KIF14: variants seen among roughly 807,000 people sequenced by gnomAD.
KIF14 encodes the protein kinesin family member 14, also known as kinesin-like protein KIF14.
KIF14 carries 98 observed loss-of-function variants against 176.2 expected under a neutral mutation model. The ratio of observed to expected loss-of-function variants is 0.56; its 90% CI spans 0.47 to 0.66. The LOEUF is 0.66. Among genes scored for constraint, KIF14 ranks in the 30% least tolerant of loss-of-function variants. The probability of loss-of-function intolerance (pLI) is 0.00; values close to 1 mark genes in which losing one functional copy is unlikely to be tolerated. For synonymous variants in KIF14, 566 were observed against 632.2 expected, an observed-to-expected ratio of 0.90 and a Z score of 1.57; for missense variants, 1,751 against 1,920.4, an observed-to-expected ratio of 0.91 and a Z score of 1.65.
chr1:200,553,365 T>A lies in KIF14; in HGVS notation c.*23A>T. 8 of 1,543,260 alleles carry A rather than the reference T, an allele frequency of 5.2e-6. No homozygotes were observed. The highest frequency in any genetic ancestry group is 7.0e-6 in the Non-Finnish European group (8 of 1,147,764). On this transcript the variant is annotated 3_prime_UTR_variant, in exon 30 of 30. Coordinates refer to ENST00000367350, the MANE Select transcript of KIF14 (RefSeq NM_014875.3). The stretch of plus-strand genomic sequence containing the variant: ...GTTCTTTTTCTTTCATGGGTGGTCA[T>A]AAAAGTGCCTACACATCAGTATTCA...
chr1:200,601,448 T>G (rs201287775), intron 11 of KIF14, among the ~76,000 whole-genome samples: 1 of 152,106 alleles, frequency 6.6e-6, no homozygotes, highest in African/African-American at 2.4e-5. Flanking sequence ...TAGAGATAAA[T>G]AGAAAGCAGT....
chr1:200,582,544 C>A (rs906173703), intron 19 of KIF14, among the ~76,000 whole-genome samples: 1 of 152,116 alleles, frequency 6.6e-6, no homozygotes, highest in Non-Finnish European at 1.5e-5. Context: ...GTATTGCCTC[C>A]TGGCAATAGA....
intron 4 of KIF14, among the ~76,000 whole-genome samples, chr1:200,612,304 A>T (rs920227764): frequency 6.6e-6 from 1 of 152,026 alleles, no homozygotes; most frequent in African/African-American, 2.4e-5. Flanking sequence ...TGCCTGGCCA[A>T]CCAGGCTCTT....
intron 16 of KIF14, 26 bp from the exon 17 acceptor site, chr1:200,590,298 G>A (rs759111038): frequency 6.3e-7 from 1 of 1,588,592 alleles, no homozygotes; most frequent in Non-Finnish European, 8.6e-7. Context: ...ATGTTTATAG[G>A]GTACATGTTA....
Position 200,605,267 on chromosome 1 carries a change from C to G in KIF14, c.1746+16G>C. ...GGTGAAAACTGAAAGAGATCGGGAACTTTTAAAAAAAATACCTTGGTCTGG... is the reference window on the plus strand; with the variant it reads ...GGTGAAAACTGAAAGAGATCGGGAAGTTTTAAAAAAAATACCTTGGTCTGG... On this transcript the variant is annotated intron_variant, in intron 8 of 29. Coordinates refer to ENST00000367350, the MANE Select transcript of KIF14 (RefSeq NM_014875.3). 6.3e-7 allele frequency: 1 copy of G among 1,597,006 alleles called. No individual in the cohort carries two copies. Among genetic ancestry groups the G allele is most frequent in the Non-Finnish European group, 8.6e-7 (1 of 1,167,694 alleles).
intron 18 of KIF14, among the ~76,000 whole-genome samples, chr1:200,588,824 T>C: frequency 6.6e-6 from 1 of 152,232 alleles, no homozygotes; most frequent in East Asian, 1.9e-4. Flanking sequence ...AACAGGATGC[T>C]TGCTGCTCTC....
In KIF14 at chr1:200,610,413, G is replaced by C. The variant is rs556842125; in HGVS notation, c.1456-1485C>G. Among the ~76,000 whole-genome samples the C allele has an allele frequency of 4.4e-4, 67 of 151,462 alleles. 1 individual carries two copies. In the South Asian group the frequency reaches 0.012, roughly 27 times the overall value. On this transcript the variant is annotated intron_variant, in intron 4 of 29. Transcript: ENST00000367350. ...TAGTCCCAGCTACTCAGGAGGCTGAGGCAGAAGAATGGCATGAACCCGGGA... is the reference window on the plus strand; with the variant it reads ...TAGTCCCAGCTACTCAGGAGGCTGACGCAGAAGAATGGCATGAACCCGGGA...
In KIF14 at chr1:200,617,975, C is replaced by G. The variant is rs779746838; in HGVS notation, c.749G>C (p.Gly250Ala). The G allele has an allele frequency of 5.6e-6, 9 of 1,614,062 alleles. No individual in the cohort carries two copies. The highest frequency in any genetic ancestry group is 7.6e-6 in the Non-Finnish European group (9 of 1,180,010). Reference sequence around the variant, plus strand: ...ACTTCTATGATACAAGTTTCCTGTTCCCAACACTTTGATATCCAACTTGCT... The same window carrying G: ...ACTTCTATGATACAAGTTTCCTGTTGCCAACACTTTGATATCCAACTTGCT... ...TQSKLDIKVL[G>A]TGNLYHRSIG... The change falls in exon 2 of 30, where the codon GGA (glycine) becomes GCA (alanine). Residue 250 changes from glycine (G) to alanine (A), a missense_variant. Physicochemically the swap from Gly to Ala is moderately conservative, Grantham distance 60 (BLOSUM62 0). Coordinates refer to ENST00000367350, the MANE Select transcript of KIF14 (RefSeq NM_014875.3).
rs1170473456 is a variant in KIF14 at position 200,560,757 on chromosome 1, GA to G, written c.4194del (p.Leu1399Ter). 1 of 1,614,046 alleles carries G rather than the reference GA, an allele frequency of 6.2e-7. No individual in the cohort carries two copies. The highest frequency in any genetic ancestry group is 8.5e-7 in the Non-Finnish European group (1 of 1,180,036). On this transcript the variant is annotated frameshift_variant, in exon 26 of 30. Coordinates refer to ENST00000367350, the MANE Select transcript of KIF14 (RefSeq NM_014875.3). LOFTEE classifies it high-confidence loss of function. ...LAVLKGSKLH[F>X]LENGNNKAAS... ...GCAGCTTTATTGTTACCGTTTTCTA[GA>G]AAATGTAGCTTGCTCCCTTTCAGAA...
intron 22 of KIF14, among the ~76,000 whole-genome samples, chr1:200,572,670 T>G (rs1285067458): frequency 1.3e-5 from 2 of 152,208 alleles, no homozygotes; most frequent in Non-Finnish European, 2.9e-5. Context: ...TAATGCTCAT[T>G]ATTAATGGTC....
intron 6 of KIF14, 50 bp from the exon 7 acceptor site, chr1:200,605,944 T>C (rs1279134748): frequency 6.6e-6 from 7 of 1,053,368 alleles, no homozygotes; most frequent in Non-Finnish European, 9.7e-6. Flanking sequence ...ATGATTATAC[T>C]CTTGTTCTCA....
intron 18 of KIF14, among the ~76,000 whole-genome samples, chr1:200,587,287 A>G: frequency 6.6e-6 from 1 of 152,082 alleles, no homozygotes; most frequent in Non-Finnish European, 1.5e-5. Context: ...CTTCACCACT[A>G]TATAATTCAT....
intron 14 of KIF14, among the ~76,000 whole-genome samples, chr1:200,597,002 G>A (rs1659386222): frequency 6.8e-6 from 1 of 147,582 alleles, no homozygotes; most frequent in Non-Finnish European, 1.5e-5. Context: ...AGGTTCAAGC[G>A]ATTCTCATGC....
intron 23 of KIF14, among the ~76,000 whole-genome samples, chr1:200,566,340 C>A (rs751857301): frequency 6.6e-6 from 1 of 151,152 alleles, no homozygotes; most frequent in Non-Finnish European, 1.5e-5. Flanking sequence ...TGCCTGTAAT[C>A]CCAGCACTTT....
At chr1:200,588,473 T>C (rs919019601) in intron 18 of KIF14, among the ~76,000 whole-genome samples, 1 of 152,002 alleles carries the variant, frequency 6.6e-6, no homozygotes, top group Non-Finnish European at 1.5e-5. Context: ...TCTCTTAACG[T>C]CGTAATCCAC....
intron 14 of KIF14, among the ~76,000 whole-genome samples, chr1:200,597,407 T>A (rs1659408752): frequency 6.6e-6 from 1 of 152,048 alleles, no homozygotes; most frequent in Non-Finnish European, 1.5e-5. Context: ...ACAAAAGATA[T>A]GAAGAGGCAA....
At chr1:200,560,593 G>A in intron 26 of KIF14, 129 bp downstream of exon 26, 1 of 1,030,344 alleles carries the variant, frequency 9.7e-7, no homozygotes, top group Non-Finnish European at 1.4e-6. Context: ...AAATCTTATT[G>A]CAAAACTACT....
intron 19 of KIF14, among the ~76,000 whole-genome samples, chr1:200,585,669 T>C (rs1417674692): frequency 2.6e-5 from 4 of 152,278 alleles, no homozygotes; most frequent in Admixed American, 1.3e-4. Context: ...CAGGTTCTGG[T>C]GAGGGCCCTG....
intron 26 of KIF14, 69 bp from the exon 27 acceptor site, chr1:200,559,521 G>C: frequency 1.1e-6 from 1 of 880,704 alleles, no homozygotes. Flanking sequence ...TTAAATTTAG[G>C]TTTTATATAT....
Sources: allele counts gnomAD v4.1 joint callset (sites outside exome capture counted in the v4.1 genomes callset), GRCh38; gene constraint gnomAD v4.1.1; transcripts MANE v1.5; gene names NCBI Gene and HGNC (gene_info 2026-07-23, HGNC 2026-07-21).